GRK5: variants seen among roughly 807,000 people sequenced by gnomAD.
GRK5 encodes the protein G protein-coupled receptor kinase 5, also known as g protein-coupled receptor kinase GRK5.
A neutral mutation model predicts 78.4 loss-of-function variants in GRK5; 40 were observed. The observed-to-expected ratio is 0.51, with a 90% CI of 0.40 to 0.66. The LOEUF (loss-of-function observed/expected upper bound fraction) is 0.66. Among genes scored for constraint, GRK5 ranks in the 30% least tolerant of loss-of-function variants. The pLI, the probability that GRK5 is intolerant of heterozygous loss-of-function variation, is 0.00. For synonymous variants in GRK5, 289 were observed against 296.8 expected (o/e 0.97, Z 0.27); for missense variants, 598 against 759.9 (o/e 0.79, Z 2.50).
intron 4 of GRK5, among the ~76,000 whole-genome samples, chr10:119,422,547 G>T (rs879636720): frequency 3.9e-5 from 6 of 152,152 alleles, no homozygotes; most frequent in Non-Finnish European, 7.4e-5. Context: ...CAGCTCCGGG[G>T]CTATAGCTCC....
At chr10:119,296,886 C>T (rs1242404299) in intron 1 of GRK5, among the ~76,000 whole-genome samples, 1 of 152,228 alleles carries the variant, frequency 6.6e-6, no homozygotes, top group Non-Finnish European at 1.5e-5. Context: ...AGGGCCCCAC[C>T]CCCAGTGCTC....
At chr10:119,352,387 G>T (rs1437010755) in intron 2 of GRK5, among the ~76,000 whole-genome samples, 1 of 152,196 alleles carries the variant, frequency 6.6e-6, no homozygotes, top group Non-Finnish European at 1.5e-5. Flanking sequence ...GGAAGGGAAA[G>T]CTAACAAGTT....
In GRK5 at chr10:119,336,912, C is replaced by T. The variant is rs534191973; in HGVS notation, c.148+10301C>T. On this transcript the variant is annotated intron_variant, in intron 2 of 15. Coordinates refer to ENST00000392870, the MANE Select transcript of GRK5 (RefSeq NM_005308.3). The surrounding 1 kb of genome is among the most constrained non-coding windows in gnomAD (Gnocchi z 4.5). Reference sequence around the variant, plus strand: ...GGGAAGGGTGGCCCCGCTGTCTTTGCGGTGTTAGTCTCACCTCCCCACTAC... The same window carrying T: ...GGGAAGGGTGGCCCCGCTGTCTTTGTGGTGTTAGTCTCACCTCCCCACTAC... Among the ~76,000 whole-genome samples the T allele has an allele frequency of 1.3e-5, 2 of 152,270 alleles. No individual in the cohort carries two copies. The highest frequency in any genetic ancestry group is 4.2e-4 in the South Asian group (2 of 4,818).
At chr10:119,313,244 A>ATGGTAGTGGTGGTGGTG in intron 1 of GRK5, among the ~76,000 whole-genome samples, 1 of 89,378 alleles carries the variant, frequency 1.1e-5, no homozygotes, top group East Asian at 4.2e-4. Context: ...TGGTGGTGGT[A>ATGGTAGTGGTGGTGGTG]ATGGTGGTGG....
intron 1 of GRK5, among the ~76,000 whole-genome samples, chr10:119,302,982 G>A (rs978489357): frequency 2.6e-5 from 4 of 152,228 alleles, no homozygotes; most frequent in Non-Finnish European, 4.4e-5. Context: ...CAGCTTAGAG[G>A]TTGATGGATC....
At chr10:119,323,743 G>A (rs1019633397) in intron 1 of GRK5, among the ~76,000 whole-genome samples, 1 of 152,146 alleles carries the variant, frequency 6.6e-6, no homozygotes, top group Non-Finnish European at 1.5e-5. Context: ...GTGGTGTTTG[G>A]TTGCATGGAA....
intron 4 of GRK5, among the ~76,000 whole-genome samples, chr10:119,409,714 G>C (rs1852301954): frequency 6.6e-6 from 1 of 151,600 alleles, no homozygotes; most frequent in Non-Finnish European, 1.5e-5. Context: ...CCTGCCCCCT[G>C]CCCCCCAACC....
In GRK5 at chr10:119,448,198, T is replaced by C. The variant is rs139222578; in HGVS notation, c.1342T>C (p.Phe448Leu). ...TGCAGAGGTCAAGAGACACCCCTTC[T>C]TCAGGAACATGAACTTCAAGCGCTT... Reference protein sequence around the residue: ...GAAEVKRHPFFRNMNFKRLEA... With the variant: ...GAAEVKRHPFLRNMNFKRLEA... Residue 448 changes from phenylalanine (F) to leucine (L), a missense_variant, in exon 13 of 16, where the codon TTC (phenylalanine) becomes CTC (leucine). Transcript: ENST00000392870. 9.6e-4 allele frequency: 1,533 copies of C among 1,591,528 alleles called. 28 individuals are homozygous for C. The Admixed American group carries it at 0.026, about 27-fold the overall frequency.
intron 1 of GRK5, among the ~76,000 whole-genome samples, chr10:119,236,977 C>T (rs1341100711): frequency 6.6e-6 from 1 of 151,718 alleles, no homozygotes; most frequent in East Asian, 1.9e-4. Context: ...TTCCTCTTGT[C>T]TCATATCAAG....
intron 2 of GRK5, among the ~76,000 whole-genome samples, chr10:119,370,579 C>G (rs1019047166): frequency 1.4e-4 from 21 of 152,230 alleles, no homozygotes; most frequent in African/African-American, 5.1e-4. Context: ...CTCTCCTGCG[C>G]CTTCCAAGGG....
At chr10:119,441,420 G>A (rs1035003561) in intron 10 of GRK5, among the ~76,000 whole-genome samples, 1 of 152,230 alleles carries the variant, frequency 6.6e-6, no homozygotes, top group Non-Finnish European at 1.5e-5. Context: ...GACCAAAGTG[G>A]AGCCTCAGCT....
intron 2 of GRK5, among the ~76,000 whole-genome samples, chr10:119,335,568 G>A (rs918244767): frequency 5.9e-5 from 9 of 152,180 alleles, no homozygotes; most frequent in African/African-American, 1.4e-4. Context: ...TCACCATGTT[G>A]GCCAGGCTGG....
chr10:119,322,512 G>A (rs1850603451), intron 1 of GRK5, among the ~76,000 whole-genome samples: 1 of 152,232 alleles, frequency 6.6e-6, no homozygotes, highest in Non-Finnish European at 1.5e-5. Context: ...CACCTGCAGA[G>A]GGCCTGCCGC....
intron 1 of GRK5, among the ~76,000 whole-genome samples, chr10:119,266,225 G>A (rs1589711453): frequency 6.6e-6 from 1 of 152,320 alleles, no homozygotes; most frequent in Non-Finnish European, 1.5e-5. Flanking sequence ...GGAGGCCGAG[G>A]TGGGCAGATC....
intron 1 of GRK5, among the ~76,000 whole-genome samples, chr10:119,309,383 G>A (rs1850325004): frequency 6.6e-6 from 1 of 152,248 alleles, no homozygotes; most frequent in African/African-American, 2.4e-5. Context: ...GCCGAGCTCA[G>A]TAAGGCCTTG....
At chr10:119,403,257 C>T (rs1488387804) in intron 4 of GRK5, among the ~76,000 whole-genome samples, 3 of 151,866 alleles carry the variant, frequency 2.0e-5, no homozygotes, top group Non-Finnish European at 4.4e-5. Flanking sequence ...AGCTCCGCCT[C>T]CCGGGTTCAC....
intron 2 of GRK5, among the ~76,000 whole-genome samples, chr10:119,340,005 A>G (rs1485281413): frequency 1.3e-5 from 2 of 152,250 alleles, no homozygotes; most frequent in Admixed American, 1.3e-4. Context: ...TCCAGCCAGC[A>G]GTAGAAAGGA....
At position 119,217,399 on chromosome 10, in the gene GRK5, A is replaced by G. The variant is rs1404156125; in HGVS notation, c.52+9430A>G. On this transcript the variant is annotated intron_variant, in intron 1 of 15. Coordinates refer to ENST00000392870, the MANE Select transcript of GRK5 (RefSeq NM_005308.3). The surrounding 1 kb of genome is among the most constrained non-coding windows in gnomAD (Gnocchi z 4.1). ...AATCTGTGTTTGAGGACAAGGCAGG[A>G]TGCCTACATGCCATACATAAGTGCC... Among the ~76,000 whole-genome samples, 1 of 152,264 alleles carries G rather than the reference A, an allele frequency of 6.6e-6. No homozygotes were observed. Among genetic ancestry groups the G allele is most frequent in the African/African-American group, 2.4e-5 (1 of 41,470 alleles).
At chr10:119,353,462 C>G (rs1452786782) in intron 2 of GRK5, among the ~76,000 whole-genome samples, 1 of 152,204 alleles carries the variant, frequency 6.6e-6, no homozygotes, top group Non-Finnish European at 1.5e-5. Flanking sequence ...TCAATACTTA[C>G]CATTGAAACA....
Sources: gnomAD v4.1 joint callset for allele counts (sites outside exome capture counted in the v4.1 genomes callset) on GRCh38, gnomAD v4.1.1 for gene constraint, Gnocchi (gnomAD v3.1) non-coding constraint, MANE v1.5 for transcripts, NCBI Gene and HGNC (gene_info 2026-07-23, HGNC 2026-07-21) for gene names.